The following TICRR variants were observed in gnomAD, a reference collection of about 807,000 sequenced individuals.
TICRR encodes the protein TOPBP1 interacting checkpoint and replication regulator, also known as treslin.
Under a neutral mutation model 178.1 loss-of-function variants are expected in TICRR, and 132 were observed. The observed-to-expected ratio is 0.74, with a 90% CI of 0.64 to 0.86. The LOEUF (loss-of-function observed/expected upper bound fraction) is 0.86, where lower values mean the gene tolerates loss of function less well. Ranked by LOEUF, TICRR falls within the 40% of genes least tolerant of loss-of-function variation. The pLI is 0.00. For synonymous variants in TICRR, 991 were observed against 900.7 expected (o/e 1.10, Z -1.79); for missense variants, 2,587 against 2,334.3 (o/e 1.11, Z -2.23).
In TICRR at chr15:89,589,711, G is replaced by A. The variant is rs148622659; in HGVS notation, c.1412-2336G>A. On this transcript the variant is annotated intron_variant, in intron 4 of 21. Coordinates refer to ENST00000268138, the MANE Select transcript of TICRR (RefSeq NM_152259.4). ...ATAGGCATTTATGCTGTCCTGTGAT[G>A]TGAAGTTTCTTTTGCTTGTTTAAAA... Among the ~76,000 whole-genome samples, 40 of 152,290 alleles carry A rather than the reference G, an allele frequency of 2.6e-4. 2 individuals carry two copies. In the East Asian group the frequency reaches 7.7e-3, roughly 29 times the overall value.
intron 19 of TICRR, 110 bp from the exon 20 acceptor site, chr15:89,623,513 A>G: frequency 8.8e-7 from 1 of 1,136,498 alleles, no homozygotes; most frequent in East Asian, 2.4e-5. Flanking sequence ...TCTTTAGATC[A>G]TTCCTTTGGC....
At position 89,627,607 on chromosome 15, in the gene TICRR, G is replaced by T. The variant is rs543957612; in HGVS notation, c.*521G>T. The T allele has an allele frequency of 1.3e-5, 2 of 155,034 alleles. No individual in the cohort carries two copies. Among genetic ancestry groups the T allele is most frequent in the South Asian group, 2.0e-4 (1 of 4,984 alleles). 9.6% of individuals were successfully genotyped at this position (155,034 alleles called of 1,614,324 possible). A position where few individuals can be genotyped will look rare whatever the true frequency, so the allele number is the denominator to read the frequency against. On this transcript the variant is annotated 3_prime_UTR_variant, in exon 22 of 22. Transcript: ENST00000268138. Reference sequence around the variant, plus strand: ...ATCATCTCTAGTGACTGAGCACTCAGTACATTTTTGTTTAATGTTGGGCCT... The same window carrying T: ...ATCATCTCTAGTGACTGAGCACTCATTACATTTTTGTTTAATGTTGGGCCT...
At position 89,626,024 on chromosome 15, in the gene TICRR, G is replaced by A; in HGVS notation, c.5565G>A (p.Gln1855=). The A allele has an allele frequency of 6.2e-7, 1 of 1,613,730 alleles. No homozygotes were observed. The highest frequency in any genetic ancestry group is 8.5e-7 in the Non-Finnish European group (1 of 1,179,814). Residue 1855 remains glutamine (Q), a synonymous_variant, in exon 21 of 22, where the codon CAG becomes CAA. Coordinates refer to ENST00000268138, the MANE Select transcript of TICRR (RefSeq NM_152259.4). ...TGACCCAGTCTCCGCTGCTGTTCCA[G>A]GGGAAAACACCTTCCTCTCAGAGCA... ...QALTQSPLLF[Q]GKTPSSQSKD... is the part of the protein sequence containing the mutation.
At chr15:89,595,188 A>G (rs1038591748) in intron 6 of TICRR, among the ~76,000 whole-genome samples, 6 of 152,232 alleles carry the variant, frequency 3.9e-5, no homozygotes, top group Non-Finnish European at 8.8e-5. Context: ...TGAGATGTTT[A>G]GTTCCTAAAC....
chr15:89,620,601 T>TA (rs1963407521), intron 18 of TICRR, among the ~76,000 whole-genome samples: 2 of 152,334 alleles, frequency 1.3e-5, no homozygotes, highest in Non-Finnish European at 2.9e-5. Flanking sequence ...TTACTAAAAT[T>TA]AAAAAAGGCA....
chr15:89,577,783 G>A (rs1023439020), intron 1 of TICRR, among the ~76,000 whole-genome samples: 1 of 151,486 alleles, frequency 6.6e-6, no homozygotes, highest in Non-Finnish European at 1.5e-5. Context: ...TAATTTTTTT[G>A]TATTTTTAGT....
chr15:89,618,101 G>T, intron 16 of TICRR, 51 bp from the exon 17 acceptor site: 3 of 1,562,540 alleles, frequency 1.9e-6, no homozygotes, highest in Non-Finnish European at 2.6e-6. Flanking sequence ...TCCTTAATAA[G>T]TGTTAATTAC....
chr15:89,623,838 A>G lies in TICRR; in HGVS notation c.3528A>G (p.Gln1176=), dbSNP rs1472233584. ...DSPLDSKITP[Q]KRHTQAGEGT... is the part of the protein sequence containing the mutation. ...CATTGGATTCAAAAATCACTCCTCA[A>G]AAACGACATACCCAGGCAGGAGAAG... The change falls in exon 20 of 22, where the codon CAA becomes CAG. Residue 1176 remains glutamine (Q), a synonymous_variant. Transcript: ENST00000268138. 2.5e-6 allele frequency: 4 copies of G among 1,613,922 alleles called. No individual in the cohort carries two copies. The highest frequency in any genetic ancestry group is 3.4e-6 in the Non-Finnish European group (4 of 1,180,010).
chr15:89,587,511 A>G (rs915742336), intron 4 of TICRR, among the ~76,000 whole-genome samples: 1 of 152,116 alleles, frequency 6.6e-6, no homozygotes, highest in African/African-American at 2.4e-5. Context: ...GGGAATGAGG[A>G]GAGAGAAACC....
intron 9 of TICRR, 46 bp downstream of exon 9, chr15:89,600,731 G>A (rs753376975): frequency 1.1e-6 from 1 of 927,150 alleles, no homozygotes; most frequent in Admixed American, 2.2e-5. Context: ...TAAAAGCTGT[G>A]AGATTAGCTC....
Position 89,575,537 on chromosome 15 carries a change from G to A in TICRR, c.-50G>A. The A allele has an allele frequency of 1.4e-6, 2 of 1,439,796 alleles. No individual in the cohort carries two copies. Among genetic ancestry groups the A allele is most frequent in the Non-Finnish European group, 1.8e-6 (2 of 1,103,174 alleles). The allele number at this position is 1,439,796 out of a possible 1,614,324, so 89.2% of individuals were successfully genotyped here. ...GTTTCCCTGAAGGAAGGGACTAAGG[G>A]ACGGTGGCGCGGGCCCGGACCGGGG... is the stretch of plus-strand genomic sequence containing the variant. On this transcript the variant is annotated 5_prime_UTR_variant, in exon 1 of 22. Coordinates refer to ENST00000268138, the MANE Select transcript of TICRR (RefSeq NM_152259.4).
At chr15:89,599,904 G>C (rs558804702) in intron 8 of TICRR, among the ~76,000 whole-genome samples, 6 of 152,278 alleles carry the variant, frequency 3.9e-5, no homozygotes, top group Admixed American at 1.3e-4. Context: ...TCAGGAGTTT[G>C]AGACCAGCCT....
chr15:89,614,675 C>T (rs1411036828), intron 15 of TICRR, among the ~76,000 whole-genome samples: 1 of 152,146 alleles, frequency 6.6e-6, no homozygotes, highest in East Asian at 1.9e-4. Flanking sequence ...ACAATCAGAT[C>T]CACCCCAACC....
Position 89,602,783 on chromosome 15 carries a change from C to A in TICRR, c.2568-13C>A. On this transcript the variant is annotated splice_polypyrimidine_tract_variant and intron_variant, in intron 12 of 21. Coordinates refer to ENST00000268138, the MANE Select transcript of TICRR (RefSeq NM_152259.4). ...TCTATCTAGTATGTATTAACTATTT[C>A]TATTTTTAAAAGGAAAAATGCATTA... 1 of 1,393,620 alleles carries A rather than the reference C, an allele frequency of 7.2e-7. No individual in the cohort carries two copies. Among genetic ancestry groups the A allele is most frequent in the Non-Finnish European group, 9.5e-7 (1 of 1,051,986 alleles). The allele number at this position is 1,393,620 out of a possible 1,614,324, so 86.3% of individuals were successfully genotyped here. A position where few individuals can be genotyped will look rare whatever the true frequency, so the allele number is the denominator to read the frequency against.
At chr15:89,586,066 A>G (rs1222136726) in intron 4 of TICRR, 124 bp downstream of exon 4, 15 of 651,484 alleles carry the variant, frequency 2.3e-5, no homozygotes, top group African/African-American at 1.8e-4. Context: ...AAAGAAAGCT[A>G]TAATACTTCA....
At chr15:89,583,977 C>T (rs369727663) in intron 2 of TICRR, among the ~76,000 whole-genome samples, 2 of 152,180 alleles carry the variant, frequency 1.3e-5, no homozygotes, top group African/African-American at 4.8e-5. Flanking sequence ...CATGAGCCAC[C>T]GTGCCTGGCC....
At chr15:89,589,829 G>C (rs1962881004) in intron 4 of TICRR, among the ~76,000 whole-genome samples, 1 of 151,990 alleles carries the variant, frequency 6.6e-6, no homozygotes, top group Non-Finnish European at 1.5e-5. Context: ...TAAAAACTAA[G>C]ACAATCCTGG....
intron 2 of TICRR, among the ~76,000 whole-genome samples, chr15:89,583,387 A>G (rs994985896): frequency 2.0e-5 from 3 of 152,242 alleles, no homozygotes; most frequent in South Asian, 2.1e-4. Flanking sequence ...CAGGAAAAGC[A>G]AACATGTTGG....
Position 89,627,192 on chromosome 15 carries a change from CAG to C in TICRR, c.*108_*109del, listed in dbSNP as rs1460235607. 1.5e-5 allele frequency: 21 copies of C among 1,405,134 alleles called. No individual in the cohort carries two copies. In the African/African-American group the frequency reaches 2.6e-4, roughly 17 times the overall value. The allele number at this position is 1,405,134 out of a possible 1,614,324, so 87.0% of individuals were successfully genotyped here. On this transcript the variant is annotated 3_prime_UTR_variant, in exon 22 of 22. Transcript: ENST00000268138. ...AGCCTCTTTTGCCATGGTCAGTGTT[CAG>C]ATTGCCATTAGAATGCCTTAGGGTT...
Sources: allele counts gnomAD v4.1 joint callset (sites outside exome capture counted in the v4.1 genomes callset), GRCh38; gene constraint gnomAD v4.1.1; transcripts MANE v1.5; gene names NCBI Gene and HGNC (gene_info 2026-07-23, HGNC 2026-07-21).